ADAM12: variants seen among roughly 807,000 people sequenced by gnomAD.
ADAM12 encodes the protein disintegrin and metalloproteinase domain-containing protein 12.
In ADAM12, 70 loss-of-function variants were observed where a neutral mutation model predicts 106.4. The observed-to-expected ratio is 0.66, with a 90% CI of 0.54 to 0.80. ADAM12 has a LOEUF of 0.80. ADAM12 is among the 30% of genes least tolerant of loss of function. The pLI, the probability that ADAM12 is intolerant of heterozygous loss-of-function variation, is 0.00. For synonymous variants in ADAM12, 420 were observed against 433.5 expected, an observed-to-expected ratio of 0.97 and a Z score of 0.39; for missense variants, 1,010 against 1,171.9, an observed-to-expected ratio of 0.86 and a Z score of 2.02.
intron 9 of ADAM12, 133 bp downstream of exon 9, chr10:126,100,939 G>T: frequency 1.1e-6 from 1 of 921,400 alleles, no homozygotes; most frequent in Non-Finnish European, 1.6e-6. Flanking sequence ...CCTGGTGTGA[G>T]CTGAGAAGCC....
intron 6 of ADAM12, among the ~76,000 whole-genome samples, chr10:126,116,955 T>C (rs1350628): frequency 0.26 from 39,328 of 152,084 alleles, 6,614 homozygotes; most frequent in Non-Finnish European, 0.38. Context: ...AGTGGTCTAC[T>C]GAAATTCAAG....
At chr10:126,110,134 C>T (rs3816650) in intron 6 of ADAM12, among the ~76,000 whole-genome samples, 2,914 of 152,146 alleles carry the variant, frequency 0.019, 94 homozygotes, top group African/African-American at 0.067. Flanking sequence ...TTAAACAAAA[C>T]GAGCACATAA....
chr10:126,258,452 G>A (rs891518168), intron 3 of ADAM12, among the ~76,000 whole-genome samples: 2 of 151,900 alleles, frequency 1.3e-5, no homozygotes, highest in East Asian at 1.9e-4. Flanking sequence ...AGTGGCCTCC[G>A]ACCTCTGCTC....
chr10:126,286,232 C>T (rs1388176760), intron 2 of ADAM12, among the ~76,000 whole-genome samples: 1 of 152,102 alleles, frequency 6.6e-6, no homozygotes, highest in African/African-American at 2.4e-5. Flanking sequence ...TTAGAAACAT[C>T]TGCCCTGATT....
intron 4 of ADAM12, among the ~76,000 whole-genome samples, chr10:126,144,480 T>C (rs538873816): frequency 1.3e-5 from 2 of 152,126 alleles, no homozygotes; most frequent in East Asian, 1.9e-4. Context: ...TGTATTTTTG[T>C]TGAACGAATG....
At chr10:126,364,149 T>TA (rs903669274) in intron 1 of ADAM12, among the ~76,000 whole-genome samples, 28 of 151,418 alleles carry the variant, frequency 1.8e-4, no homozygotes, top group African/African-American at 5.8e-4. Context: ...CTTTTTTTTT[T>TA]AAAAAAATCT....
rs1458511054 is a variant in ADAM12 at position 126,306,032 on chromosome 10, T to C, written c.186+24380A>G. 2.6e-5 allele frequency among the ~76,000 whole-genome samples: 4 copies of C among 152,146 alleles called. No homozygotes were observed. In the East Asian group the frequency reaches 7.7e-4, roughly 29 times the overall value. On this transcript the variant is annotated intron_variant, in intron 2 of 22. Transcript: ENST00000448723. Reference sequence around the variant, plus strand: ...CTCTTGTAAATCATATACAGGGAGTTTGGTTTCTTAACCCCATCTGATAAT... The same window carrying C: ...CTCTTGTAAATCATATACAGGGAGTCTGGTTTCTTAACCCCATCTGATAAT...
At chr10:126,194,131 A>G (rs1291603626) in intron 3 of ADAM12, among the ~76,000 whole-genome samples, 1 of 152,006 alleles carries the variant, frequency 6.6e-6, no homozygotes, top group Non-Finnish European at 1.5e-5. Context: ...GAAGATAATC[A>G]AAAATATACA....
rs1484618702 is a variant in ADAM12, at chr10:126,015,956, C to A, written c.*1323G>T. ...AGAGTTCAAGGGGATGCTGCCCAAG[C>A]CAGCATCTCATAATATTTAGGAAGT... is the stretch of plus-strand genomic sequence containing the variant. On this transcript the variant is annotated 3_prime_UTR_variant, in exon 23 of 23. Transcript: ENST00000448723. The A allele has an allele frequency of 6.6e-6, 1 of 152,102 alleles. No homozygotes were observed. The highest frequency in any genetic ancestry group is 1.5e-5 in the Non-Finnish European group (1 of 68,028). 9.4% of individuals were successfully genotyped at this position (152,102 alleles called of 1,614,324 possible).
chr10:126,082,952 A>G (rs890399800), intron 11 of ADAM12, among the ~76,000 whole-genome samples: 6 of 152,240 alleles, frequency 3.9e-5, no homozygotes, highest in Non-Finnish European at 8.8e-5. Flanking sequence ...GTTATGCCCA[A>G]CAATAAAAAC....
intron 3 of ADAM12, among the ~76,000 whole-genome samples, chr10:126,197,332 G>A (rs546332006): frequency 4.6e-5 from 7 of 152,324 alleles, no homozygotes; most frequent in South Asian, 2.1e-4. Context: ...CCCTGAGGCC[G>A]AGCCTGGTGC....
intron 5 of ADAM12, among the ~76,000 whole-genome samples, chr10:126,121,001 A>G (rs1260853662): frequency 2.3e-5 from 3 of 129,970 alleles, no homozygotes; most frequent in African/African-American, 8.9e-5. Context: ...ATTATATATT[A>G]CATATGCAAT....
At chr10:126,154,794 G>A (rs754213616) in intron 4 of ADAM12, among the ~76,000 whole-genome samples, 14 of 152,136 alleles carry the variant, frequency 9.2e-5, no homozygotes, top group Non-Finnish European at 1.2e-4. Flanking sequence ...ATATAGAATC[G>A]TATCCACATT....
chr10:126,071,664 G>A lies in ADAM12; in HGVS notation c.1146-10C>T, dbSNP rs1322692339. ...CATGGGAAATGGGTACCTGAGAAAG[G>A]AGAGCCCAGAACAGTAAGTCACAGG... is the stretch of plus-strand genomic sequence containing the variant. On this transcript the variant is annotated splice_polypyrimidine_tract_variant and intron_variant, in intron 11 of 22. Coordinates refer to ENST00000448723, the MANE Select transcript of ADAM12 (RefSeq NM_001288973.2). The A allele has an allele frequency of 1.9e-6, 3 of 1,614,000 alleles. No individual in the cohort carries two copies. Among genetic ancestry groups the A allele is most frequent in the East Asian group, 2.2e-5 (1 of 44,872 alleles).
At chr10:126,292,319 T>A (rs1269011381) in intron 2 of ADAM12, among the ~76,000 whole-genome samples, 7 of 152,174 alleles carry the variant, frequency 4.6e-5, no homozygotes, top group Non-Finnish European at 8.8e-5. Flanking sequence ...ACTCTCTTTT[T>A]CCTCTCGGTT....
chr10:126,019,196 G>A (rs765825282), intron 22 of ADAM12, among the ~76,000 whole-genome samples: 14 of 152,034 alleles, frequency 9.2e-5, no homozygotes, highest in Non-Finnish European at 1.5e-4. Context: ...TCCCCCTTCC[G>A]CCATGATTGT....
chr10:126,023,203 T>C (rs749852336), intron 21 of ADAM12, among the ~76,000 whole-genome samples: 21 of 152,100 alleles, frequency 1.4e-4, no homozygotes, highest in Admixed American at 2.6e-4. Context: ...AAAACAATTG[T>C]GGGAATTATG....
chr10:126,206,008 T>C (rs1957788123), intron 3 of ADAM12, among the ~76,000 whole-genome samples: 1 of 152,212 alleles, frequency 6.6e-6, no homozygotes, highest in South Asian at 2.1e-4. Flanking sequence ...GGGAAGGCTA[T>C]TATCTGGCCT....
At position 126,251,701 on chromosome 10, in the gene ADAM12, TGG is replaced by T. The variant is rs1384336604; in HGVS notation, c.260+27212_260+27213del. Among the ~76,000 whole-genome samples, 3 of 145,084 alleles carry T rather than the reference TGG, an allele frequency of 2.1e-5. No individual in the cohort carries two copies. In the East Asian group the frequency reaches 6.4e-4, roughly 31 times the overall value. ...GGATGGAGAGGATGGATGGGATGGA[TGG>T]ATAGGATGGATGGATAGGATGGGAT... On this transcript the variant is annotated intron_variant, in intron 3 of 22. Coordinates refer to ENST00000448723, the MANE Select transcript of ADAM12 (RefSeq NM_001288973.2).
Sources: gnomAD v4.1 joint callset for allele counts (sites outside exome capture counted in the v4.1 genomes callset) on GRCh38, gnomAD v4.1.1 for gene constraint, MANE v1.5 for transcripts, NCBI Gene and HGNC (gene_info 2026-07-23, HGNC 2026-07-21) for gene names.